GMDS: variants seen among roughly 807,000 people sequenced by gnomAD.
GMDS encodes GDP-mannose 4,6-dehydratase.
Under a neutral mutation model 49.9 loss-of-function variants are expected in GMDS, and 20 were observed. The observed-to-expected ratio is 0.40, with a 90% CI of 0.28 to 0.58. The LOEUF (loss-of-function observed/expected upper bound fraction) is 0.58, where lower values mean the gene tolerates loss of function less well. Among genes scored for constraint, GMDS ranks in the 20% least tolerant of loss-of-function variants. The pLI, the probability that GMDS is intolerant of heterozygous loss-of-function variation, is 0.42. For missense variants in GMDS, 362 were observed against 481.4 expected (o/e 0.75, Z 2.32); for synonymous variants, 177 against 178.6 (o/e 0.99, Z 0.07).
chr6:1,838,998 A>G (rs1441960592), intron 7 of GMDS, among the ~76,000 whole-genome samples: 1 of 152,198 alleles, frequency 6.6e-6, no homozygotes, highest in African/African-American at 2.4e-5. Context: ...TACAACGACA[A>G]GTGTTTGACT....
intron 4 of GMDS, among the ~76,000 whole-genome samples, chr6:2,100,575 G>A (rs1773863059): frequency 6.6e-6 from 1 of 151,900 alleles, no homozygotes; most frequent in Admixed American, 6.6e-5. Context: ...AAAATATTTT[G>A]TATGTGGCAA....
At chr6:1,673,495 T>C (rs1764491408) in intron 9 of GMDS, among the ~76,000 whole-genome samples, 1 of 152,116 alleles carries the variant, frequency 6.6e-6, no homozygotes, top group African/African-American at 2.4e-5. Context: ...ATTTCCCCTA[T>C]TAACAATATA....
chr6:1,854,272 T>C (rs534286924), intron 7 of GMDS, among the ~76,000 whole-genome samples: 9 of 152,368 alleles, frequency 5.9e-5, no homozygotes, highest in African/African-American at 2.2e-4. Flanking sequence ...ATGAGGCCAC[T>C]GACATTGAGT....
rs34633662 is a variant in GMDS at position 1,833,126 on chromosome 6, CTTTTTT to C, written c.772-90546_772-90541del. On this transcript the variant is annotated intron_variant, in intron 7 of 10. Coordinates refer to ENST00000380815, the MANE Select transcript of GMDS (RefSeq NM_001500.4). The surrounding 1 kb of genome is among the most constrained non-coding windows in gnomAD (Gnocchi z 4.4). ...ACCCGGCAGTGGAGCGTATGAAAGC[CTTTTTT>C]TTTTTTTTTTTTTTTTTAAACTAAT... 4.1e-5 allele frequency among the ~76,000 whole-genome samples: 5 copies of C among 123,394 alleles called. No homozygotes were observed. In the East Asian group the frequency reaches 1.2e-3, roughly 29 times the overall value. 81.0% of individuals were successfully genotyped at this position (123,394 alleles called of 152,430 possible).
At chr6:2,183,225 T>C (rs1242181525) in intron 1 of GMDS, among the ~76,000 whole-genome samples, 2 of 152,216 alleles carry the variant, frequency 1.3e-5, no homozygotes, top group African/African-American at 4.8e-5. Flanking sequence ...AAGTGATTCA[T>C]CTAATGGAAT....
chr6:2,024,237 AT>A (rs1325758014), intron 4 of GMDS, among the ~76,000 whole-genome samples: 1 of 152,102 alleles, frequency 6.6e-6, no homozygotes, highest in Non-Finnish European at 1.5e-5. Context: ...CAAAATAGAG[AT>A]TTTTTTCAGA....
chr6:1,776,516 T>C (rs1279730993), intron 7 of GMDS, among the ~76,000 whole-genome samples: 1 of 148,952 alleles, frequency 6.7e-6, no homozygotes, highest in Non-Finnish European at 1.5e-5. Flanking sequence ...GGCAAGACTC[T>C]GTCTCTACAG....
At chr6:2,084,113 G>A (rs1186375484) in intron 4 of GMDS, among the ~76,000 whole-genome samples, 5 of 152,056 alleles carry the variant, frequency 3.3e-5, no homozygotes, top group Non-Finnish European at 7.4e-5. Flanking sequence ...TACTTTCCTG[G>A]CTAAAGTCTT....
At chr6:1,808,926 G>GTA (rs3839592) in intron 7 of GMDS, among the ~76,000 whole-genome samples, 5 of 151,448 alleles carry the variant, frequency 3.3e-5, no homozygotes, top group Admixed American at 6.6e-5. Flanking sequence ...GTGTGTGTGT[G>GTA]TACACCTATA....
chr6:2,141,904 C>A (rs1022480069), intron 1 of GMDS, among the ~76,000 whole-genome samples: 3 of 150,444 alleles, frequency 2.0e-5, no homozygotes, highest in Non-Finnish European at 3.0e-5. Context: ...TCTTTCTTCT[C>A]CCCCACAACA....
chr6:1,712,715 T>A (rs942245888), intron 9 of GMDS, among the ~76,000 whole-genome samples: 15 of 151,928 alleles, frequency 9.9e-5, no homozygotes, highest in African/African-American at 3.6e-4. Context: ...AGTTCAATTG[T>A]CTGAAAAAGT....
intron 6 of GMDS, among the ~76,000 whole-genome samples, chr6:1,948,285 A>C (rs893408158): frequency 2.0e-5 from 3 of 152,254 alleles, no homozygotes; most frequent in Non-Finnish European, 4.4e-5. Context: ...TTTTGACTCA[A>C]ACTAAATTTC....
chr6:1,984,531 C>A (rs779677969), intron 4 of GMDS, among the ~76,000 whole-genome samples: 1 of 152,108 alleles, frequency 6.6e-6, no homozygotes, highest in Non-Finnish European at 1.5e-5. Flanking sequence ...CAGTACACTA[C>A]AGCTGCTCCT....
intron 4 of GMDS, among the ~76,000 whole-genome samples, chr6:2,042,111 T>C (rs1280973089): frequency 6.6e-6 from 1 of 152,216 alleles, no homozygotes. Context: ...CAAAATGACA[T>C]ATAATTTTAG....
intron 7 of GMDS, among the ~76,000 whole-genome samples, chr6:1,845,360 C>A (rs780273120): frequency 6.6e-5 from 10 of 152,178 alleles, no homozygotes; most frequent in Non-Finnish European, 1.0e-4. Flanking sequence ...TACCCAGATT[C>A]TCTTTGTACC....
chr6:1,972,901 A>G (rs1764699625), intron 4 of GMDS, among the ~76,000 whole-genome samples: 2 of 152,186 alleles, frequency 1.3e-5, no homozygotes, highest in Non-Finnish European at 2.9e-5. Context: ...AATTCTACAC[A>G]TTTGGTTTTA....
At chr6:2,056,134 CAT>C (rs1405221026) in intron 4 of GMDS, among the ~76,000 whole-genome samples, 40 of 152,212 alleles carry the variant, frequency 2.6e-4, no homozygotes, top group African/African-American at 9.4e-4. Flanking sequence ...AAATAAGAAA[CAT>C]ATGTCTCCTG....
At chr6:1,752,672 A>T (rs200319401) in intron 7 of GMDS, among the ~76,000 whole-genome samples, 1 of 152,268 alleles carries the variant, frequency 6.6e-6, no homozygotes, top group Non-Finnish European at 1.5e-5. Flanking sequence ...AGCCCATCAG[A>T]CTAACAGCAG....
chr6:1,624,139 C>G lies in GMDS; in HGVS notation c.*30G>C. The G allele has an allele frequency of 6.3e-7, 1 of 1,597,176 alleles. No individual in the cohort carries two copies. Among genetic ancestry groups the G allele is most frequent in the East Asian group, 2.2e-5 (1 of 44,818 alleles). ...CCGGAGACTCTGCGGGGATTGTAGC[C>G]GGAGGGCGGGCCGGGCTCCGAGGCG... On this transcript the variant is annotated 3_prime_UTR_variant, in exon 11 of 11. Transcript: ENST00000380815.
Sources: gnomAD v4.1 joint callset for allele counts (sites outside exome capture counted in the v4.1 genomes callset) on GRCh38, gnomAD v4.1.1 for gene constraint, Gnocchi (gnomAD v3.1) non-coding constraint, MANE v1.5 for transcripts, NCBI Gene and HGNC (gene_info 2026-07-23, HGNC 2026-07-21) for gene names.